HAUS8: variants seen among roughly 807,000 people sequenced by gnomAD.
HAUS8 encodes HAUS augmin like complex subunit 8, also known as HAUS augmin-like complex subunit 8.
In HAUS8, 38 loss-of-function variants were observed where a neutral mutation model predicts 42.9. The observed-to-expected ratio is 0.89, with a 90% CI of 0.68 to 1.16. The LOEUF is 1.16. Ranked by LOEUF, HAUS8 falls within the 50% of genes most tolerant of loss-of-function variation. HAUS8 has a pLI of 0.00. For synonymous variants in HAUS8, 199 were observed against 205.8 expected (o/e 0.97, Z 0.28); for missense variants, 494 against 511.6 (o/e 0.97, Z 0.33).
chr19:17,061,547 C>T (rs1412991064), intron 4 of HAUS8, among the ~76,000 whole-genome samples: 1 of 152,200 alleles, frequency 6.6e-6, no homozygotes, highest in Non-Finnish European at 1.5e-5. Context: ...TACAATGGAA[C>T]TCAAACAAGC....
intron 1 of HAUS8, chr19:17,073,985 G>C (rs2057446148): frequency 6.6e-6 from 1 of 151,772 alleles, no homozygotes; most frequent in African/African-American, 2.4e-5. Flanking sequence ...CAGGGTGACA[G>C]TGAGACTCCG....
At chr19:17,067,446 A>G (rs2123378511) in intron 3 of HAUS8, among the ~76,000 whole-genome samples, 1 of 152,224 alleles carries the variant, frequency 6.6e-6, no homozygotes, top group East Asian at 1.9e-4. Flanking sequence ...CTCGTTCTGT[A>G]GCTTGATTAT....
chr19:17,058,540 A>T lies in HAUS8; in HGVS notation c.645+9T>A, dbSNP rs760168009. The T allele has an allele frequency of 2.1e-5, 33 of 1,584,336 alleles. No individual in the cohort carries two copies. In the African/African-American group the frequency reaches 4.1e-4, roughly 20 times the overall value. On this transcript the variant is annotated intron_variant, in intron 8 of 10. Coordinates refer to ENST00000253669, the MANE Select transcript of HAUS8 (RefSeq NM_033417.2). ...ACTCACTGGTCACAGAGTGTCACTT[A>T]CAACTGACCTGGGCATCCAGGACAT...
chr19:17,055,132 A>G (rs1568634781), intron 9 of HAUS8: 1 of 37,184 alleles, frequency 2.7e-5, no homozygotes, highest in African/African-American at 1.1e-4. Flanking sequence ...AAAAAAAAAA[A>G]AAAAAAAAAA....
chr19:17,063,723 A>G (rs2057373608), intron 3 of HAUS8, among the ~76,000 whole-genome samples: 1 of 152,240 alleles, frequency 6.6e-6, no homozygotes, highest in East Asian at 1.9e-4. Flanking sequence ...GAATACAACA[A>G]AACAGTGGAA....
chr19:17,053,899 G>A (rs554965519), intron 9 of HAUS8, among the ~76,000 whole-genome samples: 6 of 152,060 alleles, frequency 3.9e-5, no homozygotes, highest in East Asian at 1.9e-4. Context: ...TACTGACCTC[G>A]TGATCCACCC....
chr19:17,049,912 G>A lies in HAUS8; in HGVS notation c.1194C>T (p.Val398=), dbSNP rs776201414. 2 of 1,528,792 alleles carry A rather than the reference G, an allele frequency of 1.3e-6. No homozygotes were observed. The highest frequency in any genetic ancestry group is 2.3e-5 in the East Asian group (1 of 42,848). 94.7% of individuals were successfully genotyped at this position (1,528,792 alleles called of 1,614,324 possible). The change falls in exon 11 of 11, where the codon GTC becomes GTT. Residue 398 remains valine (V), a synonymous_variant. Coordinates refer to ENST00000253669, the MANE Select transcript of HAUS8 (RefSeq NM_033417.2). ...TCCCTGAACGAGAGAGAGAGGGCGG[G>A]ACTTCTGCCTGGCTGCTTGAAGAAA... is the stretch of plus-strand genomic sequence containing the variant. ...EDFSSSSQAE[V]PPSLSRSGRD... is the part of the protein sequence containing the mutation.
Position 17,052,934 on chromosome 19 carries a change from G to T in HAUS8, c.820C>A (p.Arg274Ser). ...CCAACATCAAGTTCTCCCAGGAGGCGCTGAGTGGTCACCAGTTCATGCTGC... is the reference window on the plus strand; with the variant it reads ...CCAACATCAAGTTCTCCCAGGAGGCTCTGAGTGGTCACCAGTTCATGCTGC... ...ALQHELVTTQ[R>S]LLGELDVGDS... The change falls in exon 10 of 11, where the codon CGC becomes AGC. Residue 274 changes from arginine (R) to serine (S), a missense_variant. Arg to Ser is a moderately radical substitution (Grantham distance 110). Coordinates refer to ENST00000253669, the MANE Select transcript of HAUS8 (RefSeq NM_033417.2). The T allele has an allele frequency of 6.2e-7, 1 of 1,614,164 alleles. No homozygotes were observed. Among genetic ancestry groups the T allele is most frequent in the Non-Finnish European group, 8.5e-7 (1 of 1,180,026 alleles).
At position 17,052,735 on chromosome 19, in the gene HAUS8, G is replaced by C. The variant is rs1235989055; in HGVS notation, c.929+90C>G. 1.5e-5 allele frequency: 21 copies of C among 1,432,876 alleles called. No homozygotes were observed. In the Admixed American group the frequency reaches 2.8e-4, roughly 19 times the overall value. 88.8% of individuals were successfully genotyped at this position (1,432,876 alleles called of 1,614,324 possible). The stretch of plus-strand genomic sequence containing the variant: ...GGACTGAACCTCCTCTGAACTCCTA[G>C]AGGAACTCGGCACCACCCCAACAGT... On this transcript the variant is annotated intron_variant, in intron 10 of 10. Coordinates refer to ENST00000253669, the MANE Select transcript of HAUS8 (RefSeq NM_033417.2).
At chr19:17,056,091 T>TA (rs2057324712) in intron 8 of HAUS8, 89 bp from the exon 9 acceptor site, 1 of 1,126,984 alleles carries the variant, frequency 8.9e-7, no homozygotes. Flanking sequence ...AGGGTTAAGA[T>TA]ACAGCGCTGT....
At chr19:17,062,884 G>A in intron 3 of HAUS8, 105 bp from the exon 4 acceptor site, 1 of 824,568 alleles carries the variant, frequency 1.2e-6, no homozygotes. Context: ...TTACTTTGAG[G>A]CAGGGGAGAC....
At chr19:17,056,118 G>C in intron 8 of HAUS8, 116 bp from the exon 9 acceptor site, 1 of 984,386 alleles carries the variant, frequency 1.0e-6, no homozygotes, top group Non-Finnish European at 1.5e-6. Flanking sequence ...CCACCCCCCA[G>C]GGAATCAGAG....
At chr19:17,073,151 C>T (rs911071639) in intron 2 of HAUS8, 123 bp downstream of exon 2, 32 of 840,556 alleles carry the variant, frequency 3.8e-5, no homozygotes, top group Admixed American at 7.3e-5. Context: ...AGAATCCCCA[C>T]AGGTGTGACT....
At chr19:17,055,186 A>ATG (rs2057317365) in intron 9 of HAUS8, 1 of 73,668 alleles carries the variant, frequency 1.4e-5, no homozygotes, top group African/African-American at 6.5e-5. Flanking sequence ...ATATATATAT[A>ATG]TATATAAGCC....
chr19:17,071,298 A>G (rs2057422167), intron 2 of HAUS8, among the ~76,000 whole-genome samples: 1 of 152,222 alleles, frequency 6.6e-6, no homozygotes, highest in Non-Finnish European at 1.5e-5. Context: ...CAGAGTTAAC[A>G]AGGATCCTTC....
At chr19:17,074,958 G>C (rs1047824344) in intron 1 of HAUS8, 1 of 181,916 alleles carries the variant, frequency 5.5e-6, no homozygotes, top group Non-Finnish European at 1.2e-5. Flanking sequence ...AGAATAAAGC[G>C]CGTGGGAGGA....
intron 3 of HAUS8, among the ~76,000 whole-genome samples, chr19:17,063,471 A>T (rs2057372378): frequency 6.6e-6 from 1 of 152,252 alleles, no homozygotes; most frequent in Non-Finnish European, 1.5e-5. Context: ...GTTCTTACAA[A>T]CGTAATTTTT....
At chr19:17,054,592 G>C (rs1435553624) in intron 9 of HAUS8, among the ~76,000 whole-genome samples, 1 of 151,770 alleles carries the variant, frequency 6.6e-6, no homozygotes, top group East Asian at 1.9e-4. Flanking sequence ...ACCTGAGGTC[G>C]GGAGTTTAAG....
intron 2 of HAUS8, among the ~76,000 whole-genome samples, chr19:17,072,826 T>C (rs2057436227): frequency 6.6e-6 from 1 of 151,438 alleles, no homozygotes; most frequent in African/African-American, 2.4e-5. Context: ...ATTGAGAGTT[T>C]GATTTTAGGC....
Sources: allele counts gnomAD v4.1 joint callset (sites outside exome capture counted in the v4.1 genomes callset), GRCh38; gene constraint gnomAD v4.1.1; transcripts MANE v1.5; gene names NCBI Gene and HGNC (gene_info 2026-07-23, HGNC 2026-07-21).